GLT1D1: variants seen among roughly 807,000 people sequenced by gnomAD.
GLT1D1 encodes glycosyltransferase 1 domain containing 1.
In GLT1D1, 21 loss-of-function variants were observed where a neutral mutation model predicts 28.7. The observed-to-expected ratio is 0.73, with a 90% confidence interval of 0.52 to 1.05. GLT1D1 has a LOEUF of 1.05. Ranked by LOEUF, GLT1D1 falls within the 50% of genes least tolerant of loss-of-function variation. The pLI is 0.00. For synonymous variants in GLT1D1, 147 were observed against 124.8 expected (o/e 1.18, Z -1.19); for missense variants, 343 against 330.6 (o/e 1.04, Z -0.29).
At chr12:128,904,043 A>C (rs1870583428) in intron 4 of GLT1D1, among the ~76,000 whole-genome samples, 1 of 151,696 alleles carries the variant, frequency 6.6e-6, no homozygotes, top group Non-Finnish European at 1.5e-5. Flanking sequence ...TTTTAATTAA[A>C]GAAATTTTCA....
chr12:128,870,656 A>G (rs912010109), intron 1 of GLT1D1, among the ~76,000 whole-genome samples: 5 of 152,200 alleles, frequency 3.3e-5, no homozygotes, highest in Non-Finnish European at 2.9e-5. Flanking sequence ...TATTTAGAAT[A>G]TTTATGAGAT....
At chr12:128,979,486 A>G (rs1880111605) in intron 7 of GLT1D1, among the ~76,000 whole-genome samples, 1 of 152,228 alleles carries the variant, frequency 6.6e-6, no homozygotes, top group African/African-American at 2.4e-5. Flanking sequence ...AGAAGCTGCC[A>G]GGACAGATGC....
At chr12:128,947,179 G>A (rs1387042044) in intron 5 of GLT1D1, 159 bp from the exon 10 acceptor site, 1 of 749,534 alleles carries the variant, frequency 1.3e-6, no homozygotes, top group East Asian at 2.7e-5. Context: ...GAGCTGTAAG[G>A]ATTTCCACCC....
chr12:128,934,272 C>T (rs1874288940), intron 4 of GLT1D1, among the ~76,000 whole-genome samples: 5 of 142,568 alleles, frequency 3.5e-5, no homozygotes. Flanking sequence ...GGCACGATCT[C>T]GGCTCACTGC....
chr12:128,856,918 T>C (rs1956239483), intron 1 of GLT1D1, among the ~76,000 whole-genome samples: 1 of 152,024 alleles, frequency 6.6e-6, no homozygotes, highest in Non-Finnish European at 1.5e-5. Flanking sequence ...TGAGCCAAGA[T>C]GGCGCCACTG....
intron 7 of GLT1D1, among the ~76,000 whole-genome samples, chr12:128,962,082 C>G (rs985257050): frequency 4.6e-5 from 7 of 151,766 alleles, no homozygotes; most frequent in African/African-American, 1.7e-4. Flanking sequence ...TGCCCCGTCC[C>G]CCTCCACCTC....
rs572737860 is a variant in GLT1D1, at chr12:128,869,018, C to A, written c.69-6896C>A. ...CCGAGTAGCTGGGATTATAGGCATGCACTACCACGCCCAGCTAATTTTATA... is the reference window on the plus strand; with the variant it reads ...CCGAGTAGCTGGGATTATAGGCATGAACTACCACGCCCAGCTAATTTTATA... On this transcript the variant is annotated intron_variant, in intron 1 of 7. Transcript: ENST00000281703. Among the ~76,000 whole-genome samples, 3 of 152,124 alleles carry A rather than the reference C, an allele frequency of 2.0e-5. No homozygotes were observed. The South Asian group carries it at 6.2e-4, about 32-fold the overall frequency.
chr12:128,903,076 A>G (rs1474988125), intron 4 of GLT1D1, among the ~76,000 whole-genome samples: 1 of 151,184 alleles, frequency 6.6e-6, no homozygotes, highest in Non-Finnish European at 1.5e-5. Context: ...CTCCTTTTCC[A>G]TGAATTCATT....
intron 1 of GLT1D1, among the ~76,000 whole-genome samples, chr12:128,863,216 C>T (rs1041623717): frequency 2.0e-5 from 3 of 152,104 alleles, no homozygotes; most frequent in East Asian, 1.9e-4. Flanking sequence ...AGGGTCTGAT[C>T]GAACACCGAT....
chr12:128,940,181 AT>A (rs1388217195), intron 4 of GLT1D1, among the ~76,000 whole-genome samples: 8 of 151,456 alleles, frequency 5.3e-5, no homozygotes, highest in South Asian at 4.2e-4. Context: ...TCTCATCGTT[AT>A]TTTCTTCTAG....
At chr12:128,915,344 G>GA (rs2135892402) in intron 4 of GLT1D1, among the ~76,000 whole-genome samples, 1 of 151,638 alleles carries the variant, frequency 6.6e-6, no homozygotes, top group Non-Finnish European at 1.5e-5. Flanking sequence ...AGAAAAATGA[G>GA]AAAATATCAG....
At chr12:128,935,499 C>T (rs989641695) in intron 4 of GLT1D1, among the ~76,000 whole-genome samples, 2 of 150,328 alleles carry the variant, frequency 1.3e-5, no homozygotes, top group African/African-American at 4.9e-5. Context: ...CAAGATTGTG[C>T]CATTGCACTC....
intron 3 of GLT1D1, among the ~76,000 whole-genome samples, chr12:128,894,803 C>T (rs1323115858): frequency 6.6e-6 from 1 of 151,864 alleles, no homozygotes; most frequent in Non-Finnish European, 1.5e-5. Flanking sequence ...TGAGCTGAGA[C>T]TGTGCCACTG....
chr12:128,916,638 G>A (rs750151820), intron 4 of GLT1D1, among the ~76,000 whole-genome samples: 2 of 152,136 alleles, frequency 1.3e-5, no homozygotes, highest in East Asian at 1.9e-4. Context: ...TTATGTGCGC[G>A]TTGGCCATTC....
intron 1 of GLT1D1, among the ~76,000 whole-genome samples, chr12:128,863,261 T>TAC (rs1474467415): frequency 6.6e-5 from 10 of 152,208 alleles, no homozygotes; most frequent in African/African-American, 2.2e-4. Flanking sequence ...GGCGAGTCTG[T>TAC]CTGGATTCAT....
chr12:128,944,954 G>C (rs536802671), intron 4 of GLT1D1: 14 of 531,652 alleles, frequency 2.6e-5, no homozygotes, highest in South Asian at 1.2e-4. Flanking sequence ...TCCAGCCCCC[G>C]ACCCCCAACA....
chr12:128,927,331 C>T (rs1027741573), intron 4 of GLT1D1, among the ~76,000 whole-genome samples, 177 bp downstream of exon 8: 6 of 152,144 alleles, frequency 3.9e-5, no homozygotes, highest in South Asian at 2.1e-4. Flanking sequence ...CTCTACCTCC[C>T]GGGTTCAAGC....
chr12:128,891,487 C>A (rs902042428), intron 3 of GLT1D1, among the ~76,000 whole-genome samples: 67 of 152,250 alleles, frequency 4.4e-4, no homozygotes, highest in African/African-American at 1.6e-3. Flanking sequence ...TTGTAGAGAA[C>A]AAAACAAAGC....
At chr12:128,910,417 A>T (rs1005526414) in intron 4 of GLT1D1, among the ~76,000 whole-genome samples, 1 of 152,162 alleles carries the variant, frequency 6.6e-6, no homozygotes, top group African/African-American at 2.4e-5. Context: ...ATCTAGGATT[A>T]TGCTGAATCT....
Sources: allele counts gnomAD v4.1 joint callset (sites outside exome capture counted in the v4.1 genomes callset), GRCh38; gene constraint gnomAD v4.1.1; transcripts MANE v1.5; gene names NCBI Gene and HGNC (gene_info 2026-07-23, HGNC 2026-07-21).